HNRNPF: variants seen among roughly 807,000 people sequenced by gnomAD.
The protein encoded by HNRNPF is heterogeneous nuclear ribonucleoprotein F.
A neutral mutation model predicts 26.0 loss-of-function variants in HNRNPF; 2 were observed. The observed-to-expected ratio is 0.08, with a 90% CI of 0.03 to 0.24. The LOEUF is 0.24. Ranked by LOEUF, HNRNPF falls within the 10% of genes least tolerant of loss-of-function variation. The pLI is 1.00. For synonymous variants in HNRNPF, 234 were observed against 211.5 expected (o/e 1.11, Z -0.92); for missense variants, 299 against 539.2 (o/e 0.55, Z 4.41).
intron 3 of HNRNPF, among the ~76,000 whole-genome samples, chr10:43,392,299 G>A (rs903951170): frequency 6.6e-6 from 1 of 152,194 alleles, no homozygotes; most frequent in Non-Finnish European, 1.5e-5. Flanking sequence ...CCAGCACTTT[G>A]GGAGGCTGAG....
chr10:43,399,191 C>T (rs893898075), intron 1 of HNRNPF, among the ~76,000 whole-genome samples: 3 of 152,036 alleles, frequency 2.0e-5, no homozygotes, highest in Admixed American at 6.6e-5. Flanking sequence ...ATGATCCTCC[C>T]ACCTTTAGCC....
intron 1 of HNRNPF, among the ~76,000 whole-genome samples, chr10:43,397,864 AGAT>A (rs528018968): frequency 1.9e-3 from 287 of 152,370 alleles, no homozygotes; most frequent in Middle Eastern, 6.8e-3. Context: ...AAATATTTGC[AGAT>A]GATACCTGAT....
chr10:43,407,617 G>A (rs1278232050), intron 1 of HNRNPF: 2 of 151,522 alleles, frequency 1.3e-5, no homozygotes, highest in East Asian at 3.9e-4. Context: ...CGGAATCGAC[G>A]AAAATACTTA....
chr10:43,389,132 G>A (rs900016176), intron 3 of HNRNPF, among the ~76,000 whole-genome samples: 2 of 151,914 alleles, frequency 1.3e-5, no homozygotes, highest in African/African-American at 2.4e-5. Context: ...CGCCACGCAC[G>A]GCTAATTTTT....
chr10:43,395,375 C>T (rs1307164110), intron 2 of HNRNPF, among the ~76,000 whole-genome samples: 2 of 152,174 alleles, frequency 1.3e-5, no homozygotes, highest in African/African-American at 4.8e-5. Context: ...ATCATAATCA[C>T]TAGATCACCA....
chr10:43,406,715 T>C (rs1251292270), intron 1 of HNRNPF, among the ~76,000 whole-genome samples: 3 of 152,116 alleles, frequency 2.0e-5, no homozygotes, highest in Non-Finnish European at 4.4e-5. Context: ...TATTTTTTTA[T>C]AGAGACGGGG....
At position 43,403,362 on chromosome 10, in the gene HNRNPF, G is replaced by A. The variant is rs1442056333; in HGVS notation, c.-247+5769C>T. Among the ~76,000 whole-genome samples, 5 of 152,220 alleles carry A rather than the reference G, an allele frequency of 3.3e-5. No individual in the cohort carries two copies. In the East Asian group the frequency reaches 9.6e-4, roughly 29 times the overall value. ...CTAGCCCCAGCCCATATAGTTATCTGAACTTACAAAGCGTTGATGTTCTTC... is the reference window on the plus strand; with the variant it reads ...CTAGCCCCAGCCCATATAGTTATCTAAACTTACAAAGCGTTGATGTTCTTC... On this transcript the variant is annotated intron_variant, in intron 1 of 3. Coordinates refer to ENST00000682386, the MANE Select transcript of HNRNPF (RefSeq NM_001098204.2).
At chr10:43,398,979 T>G (rs1175698684) in intron 1 of HNRNPF, among the ~76,000 whole-genome samples, 1 of 152,220 alleles carries the variant, frequency 6.6e-6, no homozygotes, top group Non-Finnish European at 1.5e-5. Flanking sequence ...TCCAGCCAGA[T>G]AAAAGAACCC....
At chr10:43,396,159 G>C (rs557565061) in intron 2 of HNRNPF, among the ~76,000 whole-genome samples, 9 of 152,336 alleles carry the variant, frequency 5.9e-5, no homozygotes, top group African/African-American at 1.7e-4. Flanking sequence ...TTGCCTTCAG[G>C]CAGAGCCAAT....
intron 1 of HNRNPF, among the ~76,000 whole-genome samples, chr10:43,401,481 T>G (rs1221062854): frequency 6.6e-6 from 1 of 152,182 alleles, no homozygotes; most frequent in African/African-American, 2.4e-5. Flanking sequence ...ATATCTAAGG[T>G]AAATGTTCCT....
At chr10:43,400,157 G>A (rs1838708284) in intron 1 of HNRNPF, among the ~76,000 whole-genome samples, 2 of 152,086 alleles carry the variant, frequency 1.3e-5, no homozygotes, top group African/African-American at 4.8e-5. Context: ...AGACCAGCCT[G>A]CGCAGTATAG....
At chr10:43,408,458 GCC>G (rs893779830) in intron 1 of HNRNPF, among the ~76,000 whole-genome samples, 9 of 152,116 alleles carry the variant, frequency 5.9e-5, no homozygotes, top group African/African-American at 2.2e-4. Flanking sequence ...CAGCGCCACG[GCC>G]CCTCATTATG....
chr10:43,398,248 T>G (rs533987017), intron 1 of HNRNPF, among the ~76,000 whole-genome samples: 34 of 152,240 alleles, frequency 2.2e-4, no homozygotes, highest in Non-Finnish European at 3.7e-4. Context: ...CTGGTCTCGA[T>G]ATCTTGACCT....
intron 2 of HNRNPF, among the ~76,000 whole-genome samples, chr10:43,396,112 G>T (rs1391014919): frequency 6.6e-6 from 1 of 152,228 alleles, no homozygotes; most frequent in Non-Finnish European, 1.5e-5. Context: ...TCCCGAACGA[G>T]CTCTTCGCAG....
chr10:43,408,099 T>A (rs1046455666), intron 1 of HNRNPF, among the ~76,000 whole-genome samples: 2 of 152,108 alleles, frequency 1.3e-5, no homozygotes, highest in Non-Finnish European at 1.5e-5. Context: ...TTTTTTTTTC[T>A]TTACTTTTCA....
intron 1 of HNRNPF, among the ~76,000 whole-genome samples, chr10:43,405,872 C>G (rs956107011): frequency 3.9e-5 from 6 of 152,012 alleles, no homozygotes; most frequent in Non-Finnish European, 7.4e-5. Context: ...CTCTGCCCAC[C>G]CTGTTGCCCT....
chr10:43,386,772 C>A lies in HNRNPF; in HGVS notation c.1113G>T (p.Ala371=), dbSNP rs373411671. 10 of 1,614,086 alleles carry A rather than the reference C, an allele frequency of 6.2e-6. No individual in the cohort carries two copies. Among genetic ancestry groups the A allele is most frequent in the Non-Finnish European group, 8.5e-6 (10 of 1,180,048 alleles). Residue 371 remains alanine (A), a synonymous_variant, in exon 4 of 4, where the codon GCG becomes GCT. Coordinates refer to ENST00000682386, the MANE Select transcript of HNRNPF (RefSeq NM_001098204.2). ...TGCCTTGCATCACCTGGCTGCTATA[C>A]GCCCCATTGCTGGCCCCTGTTGTTG... is the stretch of plus-strand genomic sequence containing the variant. ...LNSTTGASNG[A]YSSQVMQGMG...
Position 43,386,558 on chromosome 10 carries a change from T to G in HNRNPF, c.*79A>C. ...ATGGTGCAAAATGGGTCCCCCAGCTTCCTCTATTATAACTGCTCTTAATTG... is the reference window on the plus strand; with the variant it reads ...ATGGTGCAAAATGGGTCCCCCAGCTGCCTCTATTATAACTGCTCTTAATTG... On this transcript the variant is annotated 3_prime_UTR_variant, in exon 4 of 4. Coordinates refer to ENST00000682386, the MANE Select transcript of HNRNPF (RefSeq NM_001098204.2). The G allele has an allele frequency of 7.6e-7, 1 of 1,317,686 alleles. No homozygotes were observed. 81.6% of individuals were successfully genotyped at this position (1,317,686 alleles called of 1,614,324 possible).
intron 3 of HNRNPF, among the ~76,000 whole-genome samples, chr10:43,391,839 A>C (rs896593967): frequency 1.3e-5 from 2 of 152,054 alleles, no homozygotes; most frequent in African/African-American, 4.8e-5. Context: ...AGTTCTACCC[A>C]ATCATGTCAT....
Sources: allele counts gnomAD v4.1 joint callset (sites outside exome capture counted in the v4.1 genomes callset), GRCh38; gene constraint gnomAD v4.1.1; transcripts MANE v1.5; gene names NCBI Gene and HGNC (gene_info 2026-07-23, HGNC 2026-07-21).